The following SSBP3 variants were observed in gnomAD, a reference collection of about 807,000 sequenced individuals.
The protein encoded by SSBP3 is single-stranded DNA-binding protein 3.
A neutral mutation model predicts 69.6 loss-of-function variants in SSBP3; 5 were observed. The ratio of observed to expected loss-of-function variants is 0.07; its 90% CI spans 0.04 to 0.15. The LOEUF is 0.15. SSBP3 is among the 10% of genes least tolerant of loss of function. The pLI, the probability that SSBP3 is intolerant of heterozygous loss-of-function variation, is 1.00. For synonymous variants in SSBP3, 196 were observed against 193.4 expected (o/e 1.01, Z -0.11); for missense variants, 312 against 534.0 (o/e 0.58, Z 4.10).
At chr1:54,364,244 A>G (rs753077245) in intron 4 of SSBP3, among the ~76,000 whole-genome samples, 1 of 152,220 alleles carries the variant, frequency 6.6e-6, no homozygotes, top group Non-Finnish European at 1.5e-5. Context: ...AGACTGCACA[A>G]CCCACAAAGC....
chr1:54,390,826 G>A (rs1050703463), intron 4 of SSBP3, among the ~76,000 whole-genome samples: 1 of 152,234 alleles, frequency 6.6e-6, no homozygotes, highest in Middle Eastern at 3.2e-3. Context: ...GATCTGGCCG[G>A]CAGGCGGGCA....
intron 7 of SSBP3, among the ~76,000 whole-genome samples, chr1:54,252,642 A>G (rs1356090770): frequency 6.6e-6 from 1 of 152,222 alleles, no homozygotes; most frequent in Admixed American, 6.5e-5. Context: ...ATGAGAAGGT[A>G]AACACGGGGG....
At chr1:54,388,331 C>A (rs1157973721) in intron 4 of SSBP3, among the ~76,000 whole-genome samples, 1 of 152,200 alleles carries the variant, frequency 6.6e-6, no homozygotes, top group African/African-American at 2.4e-5. Flanking sequence ...CGGGCTCATG[C>A]CTTCACTTCT....
intron 4 of SSBP3, among the ~76,000 whole-genome samples, chr1:54,394,002 C>T (rs972318415): frequency 7.2e-5 from 11 of 152,180 alleles, no homozygotes; most frequent in African/African-American, 2.2e-4. Flanking sequence ...TCAAGTGATT[C>T]GCCTGCCTCG....
At chr1:54,357,148 G>T (rs544798123) in intron 4 of SSBP3, among the ~76,000 whole-genome samples, 21 of 152,284 alleles carry the variant, frequency 1.4e-4, no homozygotes, top group Middle Eastern at 3.4e-3. Flanking sequence ...GAGACAGAAG[G>T]CCAAAGGGGC....
At chr1:54,231,242 G>A (rs1011611663) in intron 14 of SSBP3, among the ~76,000 whole-genome samples, 6 of 152,228 alleles carry the variant, frequency 3.9e-5, no homozygotes, top group South Asian at 2.1e-4. Context: ...CCTAGTGGGT[G>A]TGAAGTGCCA....
At chr1:54,238,585 A>G (rs947619138) in intron 14 of SSBP3, 29 of 336,470 alleles carry the variant, frequency 8.6e-5, no homozygotes, top group South Asian at 1.1e-4. Flanking sequence ...AGCAGTAATC[A>G]GAAATGGGGA....
At chr1:54,227,111 G>C (rs778380186) in exon 18 of SSBP3, 1 of 1,582,502 alleles carries the variant, frequency 6.3e-7, no homozygotes, top group East Asian at 2.4e-5. Context: ...TGCTCTCTCA[G>C]CGTCTCGGAG....
chr1:54,328,320 G>C (rs1367567955), intron 4 of SSBP3, among the ~76,000 whole-genome samples: 1 of 152,206 alleles, frequency 6.6e-6, no homozygotes, highest in Non-Finnish European at 1.5e-5. Context: ...TGAGTCGCCA[G>C]CACGACCCAC....
At chr1:54,394,444 A>AT (rs1648715650) in intron 4 of SSBP3, among the ~76,000 whole-genome samples, 1 of 151,838 alleles carries the variant, frequency 6.6e-6, no homozygotes, top group African/African-American at 2.4e-5. Flanking sequence ...ATTCCACACA[A>AT]TTCTTTTTAA....
chr1:54,366,280 T>C (rs1441432289), intron 4 of SSBP3, among the ~76,000 whole-genome samples: 1 of 152,186 alleles, frequency 6.6e-6, no homozygotes, highest in African/African-American at 2.4e-5. Flanking sequence ...TCCTGCAGCA[T>C]GGAGGCGGAG....
At chr1:54,320,287 CAAAGACAGGCAAAG>C (rs1457262075) in intron 4 of SSBP3, among the ~76,000 whole-genome samples, 1 of 152,104 alleles carries the variant, frequency 6.6e-6, no homozygotes, top group Non-Finnish European at 1.5e-5. Context: ...TCAAAGAAGC[CAAAGACAGGCAAAG>C]GCAGATTATA....
At chr1:54,362,064 T>C (rs1285832406) in intron 4 of SSBP3, among the ~76,000 whole-genome samples, 1 of 152,224 alleles carries the variant, frequency 6.6e-6, no homozygotes, top group Non-Finnish European at 1.5e-5. Context: ...ATTTGTATCT[T>C]TTCATTCCCA....
At chr1:54,375,497 A>G (rs139055496) in intron 4 of SSBP3, among the ~76,000 whole-genome samples, 362 of 152,220 alleles carry the variant, frequency 2.4e-3, no homozygotes, top group African/African-American at 8.1e-3. Context: ...GCCTGCTTGA[A>G]GCTGCTACAG....
intron 4 of SSBP3, among the ~76,000 whole-genome samples, chr1:54,349,777 G>A (rs548016462): frequency 1.3e-5 from 2 of 150,796 alleles, no homozygotes; most frequent in African/African-American, 2.4e-5. Flanking sequence ...AATGCCTCCC[G>A]CTTCAGCTGG....
chr1:54,252,269 T>G (rs1644843721), intron 7 of SSBP3, among the ~76,000 whole-genome samples: 2 of 152,194 alleles, frequency 1.3e-5, no homozygotes, highest in Admixed American at 1.3e-4. Flanking sequence ...TGCCTTTGTC[T>G]CACAGACACA....
chr1:54,269,130 C>A (rs749542417), intron 5 of SSBP3, among the ~76,000 whole-genome samples: 24 of 152,134 alleles, frequency 1.6e-4, no homozygotes, highest in Non-Finnish European at 2.9e-4. Context: ...CTCCTTATTA[C>A]CTCACACAGC....
At chr1:54,239,259 A>G in intron 13 of SSBP3, 60 bp from the exon 14 acceptor site, 1 of 1,322,722 alleles carries the variant, frequency 7.6e-7, no homozygotes, top group Non-Finnish European at 1.1e-6. Context: ...ATTAAAACAA[A>G]CTCATGGCAC....
chr1:54,302,035 G>C (rs542295497), intron 4 of SSBP3, among the ~76,000 whole-genome samples: 1 of 152,212 alleles, frequency 6.6e-6, no homozygotes, highest in Non-Finnish European at 1.5e-5. Flanking sequence ...TACAGCTCCA[G>C]AGGGCGGCTG....
Sources: gnomAD v4.1 joint callset for allele counts (sites outside exome capture counted in the v4.1 genomes callset) on GRCh38, gnomAD v4.1.1 for gene constraint, MANE v1.5 for transcripts, NCBI Gene and HGNC (gene_info 2026-07-23, HGNC 2026-07-21) for gene names.